The following DYNC2H1 variants were observed in gnomAD, a reference collection of about 807,000 sequenced individuals.
DYNC2H1 encodes cytoplasmic dynein 2 heavy chain 1.
DYNC2H1 carries 410 observed loss-of-function variants against 570.0 expected under a neutral mutation model. That is an observed-to-expected ratio of 0.72 (90% CI 0.66 to 0.78). The LOEUF is 0.78. Among genes scored for constraint, DYNC2H1 ranks in the 30% least tolerant of loss-of-function variants. DYNC2H1 has a pLI of 0.00. For missense variants in DYNC2H1, 4,865 were observed against 5,046.4 expected, an observed-to-expected ratio of 0.96 and a Z score of 1.09; for synonymous variants, 1,688 against 1,677.6, an observed-to-expected ratio of 1.01 and a Z score of -0.15.
At chr11:103,160,150 G>A (rs1432944008) in intron 28 of DYNC2H1, among the ~76,000 whole-genome samples, 2 of 151,936 alleles carry the variant, frequency 1.3e-5, no homozygotes, top group African/African-American at 4.8e-5. Flanking sequence ...TTATTAATTG[G>A]TTATCAAGTT....
intron 70 of DYNC2H1, among the ~76,000 whole-genome samples, chr11:103,278,182 G>A (rs1389583141): frequency 2.0e-5 from 3 of 152,076 alleles, no homozygotes; most frequent in Admixed American, 2.0e-4. Context: ...TGCTAGAACT[G>A]AGTCACCAAT....
chr11:103,427,179 T>G (rs1443984139), intron 84 of DYNC2H1, among the ~76,000 whole-genome samples: 1 of 152,158 alleles, frequency 6.6e-6, no homozygotes, highest in African/African-American at 2.4e-5. Context: ...CTTTTAACTA[T>G]GGCAACATGA....
intron 82 of DYNC2H1, among the ~76,000 whole-genome samples, chr11:103,341,184 A>T (rs1186763260): frequency 1.3e-5 from 2 of 152,196 alleles, no homozygotes; most frequent in Admixed American, 6.5e-5. Flanking sequence ...TATGGAATCG[A>T]TTCATTCAAA....
At chr11:103,273,852 G>T (rs1181537468) in intron 70 of DYNC2H1, among the ~76,000 whole-genome samples, 3 of 152,054 alleles carry the variant, frequency 2.0e-5, no homozygotes, top group African/African-American at 7.2e-5. Flanking sequence ...TTAAGGTCAG[G>T]ATATCTTCTG....
At chr11:103,354,807 C>CTTT (rs10718561) in intron 82 of DYNC2H1, among the ~76,000 whole-genome samples, 1 of 141,146 alleles carries the variant, frequency 7.1e-6, no homozygotes, top group African/African-American at 2.6e-5. Flanking sequence ...CTTGTAAGAT[C>CTTT]TTTTTTTTTT....
At chr11:103,331,753 C>A (rs1346572777) in intron 82 of DYNC2H1, among the ~76,000 whole-genome samples, 1 of 152,128 alleles carries the variant, frequency 6.6e-6, no homozygotes, top group Non-Finnish European at 1.5e-5. Context: ...AAAATAGTTA[C>A]AATTTTTATG....
chr11:103,140,100 T>A (rs1282220605), intron 17 of DYNC2H1, among the ~76,000 whole-genome samples: 1 of 152,228 alleles, frequency 6.6e-6, no homozygotes, highest in Non-Finnish European at 1.5e-5. Context: ...ATTTTGAGCC[T>A]ATGTTGTCTC....
intron 59 of DYNC2H1, among the ~76,000 whole-genome samples, chr11:103,227,104 G>T (rs1191072679): frequency 6.6e-6 from 1 of 151,764 alleles, no homozygotes; most frequent in Non-Finnish European, 1.5e-5. Flanking sequence ...CTTGCAAATG[G>T]TCTGTCAATT....
chr11:103,147,671 AT>A, intron 18 of DYNC2H1, 100 bp from the exon 19 acceptor site: 1 of 710,740 alleles, frequency 1.4e-6, no homozygotes, highest in Non-Finnish European at 2.3e-6. Context: ...GCTGACATAC[AT>A]TTTTAAGTGT....
At chr11:103,362,355 T>C (rs1364807935) in intron 83 of DYNC2H1, among the ~76,000 whole-genome samples, 2 of 141,218 alleles carry the variant, frequency 1.4e-5, no homozygotes, top group African/African-American at 5.1e-5. Flanking sequence ...TTTTTAGCTA[T>C]AGGATCTTGA....
At position 103,199,188 on chromosome 11, in the gene DYNC2H1, G is replaced by A. The variant is rs1207082028; in HGVS notation, c.7840-40G>A. 4.4e-6 allele frequency: 6 copies of A among 1,355,178 alleles called. No individual in the cohort carries two copies. Among genetic ancestry groups the A allele is most frequent in the Non-Finnish European group, 6.0e-6 (6 of 1,001,970 alleles). 83.9% of individuals were successfully genotyped at this position (1,355,178 alleles called of 1,614,324 possible). ...AGTAACATTTTTATTATGTAATTAG[G>A]GCTTATATTAATTATAAAATATTCT... On this transcript the variant is annotated intron_variant, in intron 48 of 88. Transcript: ENST00000375735. This position sits in a 1 kb window ranked among gnomAD's most constrained non-coding sequence, Gnocchi z 4.6.
At chr11:103,257,791 G>A (rs1865123458) in intron 69 of DYNC2H1, 40 bp downstream of exon 69, 2 of 1,457,334 alleles carry the variant, frequency 1.4e-6, no homozygotes. Flanking sequence ...CTGAATTACA[G>A]GGATTACTTT....
At chr11:103,182,001 G>T in intron 40 of DYNC2H1, 115 bp downstream of exon 40, 1 of 1,133,562 alleles carries the variant, frequency 8.8e-7, no homozygotes, top group Admixed American at 2.8e-5. Flanking sequence ...TGAGGTGAGA[G>T]GTGGATTTTG....
At chr11:103,354,925 G>T (rs935652742) in intron 82 of DYNC2H1, among the ~76,000 whole-genome samples, 6 of 151,418 alleles carry the variant, frequency 4.0e-5, no homozygotes, top group Non-Finnish European at 8.8e-5. Context: ...TCTTTCATCA[G>T]TTCTGGAAAA....
At position 103,215,857 on chromosome 11, in the gene DYNC2H1, A is replaced by G. The variant is rs201252553; in HGVS notation, c.8831A>G (p.Gln2944Arg). The G allele has an allele frequency of 1.1e-4, 172 of 1,612,376 alleles. 1 individual carries two copies. In the African/African-American group the frequency reaches 2.2e-3, roughly 20 times the overall value. ...AALQMITVSMQDASEQKTELE... is the reference protein window; with the variant it reads ...AALQMITVSMRDASEQKTELE... ...CTTCAAATGATCACAGTGTCAATGCAGGTAATGTTTAGAGTGACCACAAAA... is the reference window on the plus strand; with the variant it reads ...CTTCAAATGATCACAGTGTCAATGCGGGTAATGTTTAGAGTGACCACAAAA... The change falls in exon 55 of 89, where the codon CAG becomes CGG. Residue 2944 changes from glutamine (Q) to arginine (R), a missense_variant and splice_region_variant. By Grantham distance (43) the Gln-to-Arg change is conservative (BLOSUM62 1). Transcript: ENST00000375735.
intron 5 of DYNC2H1, 62 bp from the exon 6 acceptor site, chr11:103,117,569 T>G (rs1426927330): frequency 3.1e-6 from 4 of 1,296,408 alleles, no homozygotes; most frequent in Non-Finnish European, 1.0e-6. Context: ...AGCATGTATT[T>G]TATAATTTTT....
intron 69 of DYNC2H1, among the ~76,000 whole-genome samples, chr11:103,258,712 A>T (rs1426309561): frequency 6.6e-6 from 1 of 152,214 alleles, no homozygotes; most frequent in Non-Finnish European, 1.5e-5. Context: ...ATAAGGCTGA[A>T]ACTGAATAGC....
At chr11:103,296,049 A>G (rs1032010582) in intron 75 of DYNC2H1, among the ~76,000 whole-genome samples, 2 of 152,108 alleles carry the variant, frequency 1.3e-5, no homozygotes, top group Admixed American at 1.3e-4. Context: ...ACGCACACAG[A>G]TTCTCTCTGT....
Position 103,153,461 on chromosome 11 carries a change from G to T in DYNC2H1, c.3255G>T (p.Glu1085Asp). The stretch of plus-strand genomic sequence containing the variant: ...ATAAAAGTGCAAAGTTAATAAAAGA[G>T]AAAAAAATTGAGTTTGATGATCTTG... Reference protein sequence around the residue: ...TLDKSAKLIKEKKIEFDDLEV... With the variant: ...TLDKSAKLIKDKKIEFDDLEV... The change falls in exon 22 of 89, where the codon GAG becomes GAT. Residue 1085 changes from glutamate to aspartate, a missense_variant. Physicochemically the swap from Glu to Asp is conservative, Grantham distance 45. Around this residue, in one of 5 missense-constraint regions of DYNC2H1, gnomAD observed 1,936 missense variants for 1,962.1 expected, o/e 0.99. Coordinates refer to ENST00000375735, the MANE Select transcript of DYNC2H1 (RefSeq NM_001377.3). 3 of 1,564,890 alleles carry T rather than the reference G, an allele frequency of 1.9e-6. No individual in the cohort carries two copies. Among genetic ancestry groups the T allele is most frequent in the Non-Finnish European group, 1.7e-6 (2 of 1,157,196 alleles).
Sources: allele counts gnomAD v4.1 joint callset (sites outside exome capture counted in the v4.1 genomes callset), GRCh38; gene constraint gnomAD v4.1.1; regional missense constraint gnomAD v4.1.1; non-coding constraint Gnocchi (gnomAD v3.1); transcripts MANE v1.5; gene names NCBI Gene and HGNC (gene_info 2026-07-23, HGNC 2026-07-21).